Variants in COL22A1 observed in about 807,000 individuals in gnomAD.
COL22A1 encodes collagen alpha-1(XXII) chain.
A neutral mutation model predicts 248.9 loss-of-function variants in COL22A1; 221 were observed. The ratio of observed to expected loss-of-function variants is 0.89; its 90% confidence interval spans 0.80 to 0.99. The LOEUF (loss-of-function observed/expected upper bound fraction) is 0.99, where lower values mean the gene tolerates loss of function less well. Among genes scored for constraint, COL22A1 ranks in the 50% least tolerant of loss-of-function variants. COL22A1 has a pLI of 0.00. For missense variants in COL22A1, 2,240 were observed against 2,179.0 expected, an observed-to-expected ratio of 1.03 and a Z score of -0.56; for synonymous variants, 891 against 793.4, an observed-to-expected ratio of 1.12 and a Z score of -2.07.
At chr8:138,707,766 G>A (rs1395852687) in intron 30 of COL22A1, among the ~76,000 whole-genome samples, 1 of 152,166 alleles carries the variant, frequency 6.6e-6, no homozygotes, top group Non-Finnish European at 1.5e-5. Context: ...ATTCAACATA[G>A]TGTTGGAAGT....
chr8:138,618,650 T>C (rs1279404768), intron 53 of COL22A1, among the ~76,000 whole-genome samples: 1 of 152,206 alleles, frequency 6.6e-6, no homozygotes, highest in Non-Finnish European at 1.5e-5. Context: ...AGCCAGGAGG[T>C]TGATTTTTTA....
intron 26 of COL22A1, among the ~76,000 whole-genome samples, chr8:138,721,465 C>G (rs1156911904): frequency 6.6e-6 from 1 of 152,152 alleles, no homozygotes; most frequent in Non-Finnish European, 1.5e-5. Flanking sequence ...TTGACTCTTA[C>G]CTTAATAATT....
chr8:138,830,992 ACT>A (rs1157950008), intron 5 of COL22A1, among the ~76,000 whole-genome samples: 1 of 151,848 alleles, frequency 6.6e-6, no homozygotes, highest in African/African-American at 2.4e-5. Flanking sequence ...TGGGAAAATG[ACT>A]CTCTCAAGAG....
At chr8:138,865,835 A>C (rs1284791218) in intron 3 of COL22A1, among the ~76,000 whole-genome samples, 1 of 141,658 alleles carries the variant, frequency 7.1e-6, no homozygotes, top group East Asian at 2.2e-4. Context: ...GTGTGTGTAT[A>C]TGTATGCCTG....
chr8:138,814,209 C>T lies in COL22A1; in HGVS notation c.1246-1190G>A, dbSNP rs181404736. On this transcript the variant is annotated intron_variant, in intron 7 of 64. Transcript: ENST00000303045. ...ATGGCAAACCACACCTGCACATTCA[C>T]GCTTTAGCACGTGGTACCTCTTCTA... Among the ~76,000 whole-genome samples the T allele has an allele frequency of 1.2e-4, 18 of 152,354 alleles. No homozygotes were observed. In the South Asian group the frequency reaches 1.4e-3, roughly 12 times the overall value.
At position 138,883,077 on chromosome 8, in the gene COL22A1, C is replaced by G; in HGVS notation, c.91+5G>C. 6.3e-7 allele frequency: 1 copy of G among 1,574,920 alleles called. No homozygotes were observed. Among genetic ancestry groups the G allele is most frequent in the Non-Finnish European group, 8.6e-7 (1 of 1,162,460 alleles). On this transcript the variant is annotated splice_donor_5th_base_variant and intron_variant, in intron 2 of 64. Coordinates refer to ENST00000303045, the MANE Select transcript of COL22A1 (RefSeq NM_152888.3). Reference sequence around the variant, plus strand: ...ACAGCATGGCACAGCCCACGGTGGCCCCACCTGCCCGCTGAGCCTGGCAGC... The same window carrying G: ...ACAGCATGGCACAGCCCACGGTGGCGCCACCTGCCCGCTGAGCCTGGCAGC...
chr8:138,751,255 A>G (rs1832576024), intron 22 of COL22A1, among the ~76,000 whole-genome samples: 1 of 152,206 alleles, frequency 6.6e-6, no homozygotes, highest in South Asian at 2.1e-4. Context: ...ACTGATCTCC[A>G]TGTCCCTGAA....
At chr8:138,761,440 A>T (rs1563726325) in intron 17 of COL22A1, among the ~76,000 whole-genome samples, 1 of 152,186 alleles carries the variant, frequency 6.6e-6, no homozygotes, top group Non-Finnish European at 1.5e-5. Context: ...GCAAGATATA[A>T]AAAGTATGAT....
chr8:138,869,834 C>G (rs1393336400), intron 3 of COL22A1, among the ~76,000 whole-genome samples: 1 of 152,174 alleles, frequency 6.6e-6, no homozygotes, highest in Non-Finnish European at 1.5e-5. Flanking sequence ...AACCCACAAC[C>G]CACACTGCTG....
rs867665653 is a variant in COL22A1 at position 138,826,668 on chromosome 8, C to T, written c.959G>A (p.Ser320Asn). Reference protein sequence around the residue: ...WYIWQVIDQYSIPQVSIRLDG... With the variant: ...WYIWQVIDQYNIPQVSIRLDG... ...ATCTGCTGCCCTTACCTGTGGGATGCTGTACTGGTCGATGACCTGCCAGAT... is the reference window on the plus strand; with the variant it reads ...ATCTGCTGCCCTTACCTGTGGGATGTTGTACTGGTCGATGACCTGCCAGAT... The change falls in exon 6 of 65, where the codon AGC becomes AAC. Residue 320 changes from serine (S) to asparagine (N), a missense_variant. Coordinates refer to ENST00000303045, the MANE Select transcript of COL22A1 (RefSeq NM_152888.3). 3 of 1,613,634 alleles carry T rather than the reference C, an allele frequency of 1.9e-6. No homozygotes were observed. The highest frequency in any genetic ancestry group is 1.3e-5 in the African/African-American group (1 of 74,874).
chr8:138,616,001 A>T lies in COL22A1; in HGVS notation c.3924T>A (p.Asp1308Glu), dbSNP rs1382005767. The change falls in exon 55 of 65, where the codon GAT becomes GAA. Residue 1308 changes from aspartate to glutamate, a missense_variant and splice_region_variant. By Grantham distance (45) the Asp-to-Glu change is conservative (BLOSUM62 2). Transcript: ENST00000303045. Reference protein sequence around the residue: ...LPGQEGLPGKDGDTGPTGPQG... With the variant: ...LPGQEGLPGKEGDTGPTGPQG... ...CCAGGTCCCACAGGACCCCACTTAC[A>T]TCTTTTCCTGGTAACCCTTCCTGAC... 2 of 1,612,352 alleles carry T rather than the reference A, an allele frequency of 1.2e-6. No individual in the cohort carries two copies. The highest frequency in any genetic ancestry group is 1.1e-5 in the South Asian group (1 of 91,008).
intron 39 of COL22A1, among the ~76,000 whole-genome samples, chr8:138,681,634 T>G (rs935291202): frequency 3.9e-5 from 6 of 152,164 alleles, no homozygotes; most frequent in Admixed American, 1.3e-4. Flanking sequence ...CAGATCGGAC[T>G]GGGCTGTGTG....
At chr8:138,618,031 G>C (rs967772923) in intron 53 of COL22A1, among the ~76,000 whole-genome samples, 1 of 152,140 alleles carries the variant, frequency 6.6e-6, no homozygotes, top group African/African-American at 2.4e-5. Context: ...AGAGACTCTG[G>C]TGTGCTCTCC....
At chr8:138,663,336 T>A (rs1426702812) in intron 42 of COL22A1, among the ~76,000 whole-genome samples, 1 of 152,170 alleles carries the variant, frequency 6.6e-6, no homozygotes, top group East Asian at 1.9e-4. Flanking sequence ...TTAAGAGCAA[T>A]CCCCATGTTG....
chr8:138,698,246 C>A (rs1366027865), intron 32 of COL22A1, among the ~76,000 whole-genome samples: 1 of 152,194 alleles, frequency 6.6e-6, no homozygotes, highest in Non-Finnish European at 1.5e-5. Context: ...TGATGGGAAG[C>A]CCCTTGCACA....
At chr8:138,641,719 C>T (rs543077250) in intron 47 of COL22A1, among the ~76,000 whole-genome samples, 3 of 152,298 alleles carry the variant, frequency 2.0e-5, no homozygotes, top group Non-Finnish European at 4.4e-5. Flanking sequence ...TGCTGCATTG[C>T]AACTGCAAAC....
chr8:138,693,674 T>A lies in COL22A1; in HGVS notation c.2726A>T (p.His909Leu), dbSNP rs1316417825. The A allele has an allele frequency of 1.9e-6, 3 of 1,585,034 alleles. No individual in the cohort carries two copies. Among genetic ancestry groups the A allele is most frequent in the Non-Finnish European group, 1.7e-6 (2 of 1,165,388 alleles). The change falls in exon 35 of 65, where the codon CAT becomes CTT. Residue 909 changes from histidine to leucine, a missense_variant. Transcript: ENST00000303045. ...PPGAKGQEGA[H>L]GAPGAAGNPG... The stretch of plus-strand genomic sequence containing the variant: ...GTTTCCAGCTGCTCCAGGAGCCCCA[T>A]GTGCACCTTCCTGTCCCTTGGCACC...
chr8:138,700,443 G>A (rs4909837), intron 31 of COL22A1, among the ~76,000 whole-genome samples: 6,098 of 152,266 alleles, frequency 0.04, 154 homozygotes, highest in East Asian at 0.11. Context: ...TCGGTAAAAC[G>A]GGAAAGAAAC....
chr8:138,606,309 G>A, intron 58 of COL22A1, 72 bp downstream of exon 58: 1 of 1,325,048 alleles, frequency 7.5e-7, no homozygotes, highest in Non-Finnish European at 1.1e-6. Flanking sequence ...GGAGGTGGCA[G>A]GGAAGGTACT....
Sources: allele counts gnomAD v4.1 joint callset (sites outside exome capture counted in the v4.1 genomes callset), GRCh38; gene constraint gnomAD v4.1.1; transcripts MANE v1.5; gene names NCBI Gene and HGNC (gene_info 2026-07-23, HGNC 2026-07-21).